Variants in APAF1 observed in about 807,000 individuals in gnomAD.
APAF1 encodes the protein apoptotic peptidase activating factor 1, also known as apoptotic protease-activating factor 1.
A neutral mutation model predicts 152.4 loss-of-function variants in APAF1; 91 were observed. The ratio of observed to expected loss-of-function variants is 0.60; its 90% confidence interval spans 0.50 to 0.71. The LOEUF (loss-of-function observed/expected upper bound fraction) is 0.71, where lower values mean the gene tolerates loss of function less well. APAF1 is among the 30% of genes least tolerant of loss of function. APAF1 has a pLI of 0.00. For missense variants in APAF1, 1,283 were observed against 1,472.0 expected (o/e 0.87, Z 2.10); for synonymous variants, 484 against 494.1 (o/e 0.98, Z 0.27).
chr12:98,654,816 CTTTTTTTT>C (rs758991431), intron 4 of APAF1, among the ~76,000 whole-genome samples: 1 of 116,798 alleles, frequency 8.6e-6, no homozygotes, highest in South Asian at 2.7e-4. Flanking sequence ...GTAGTATTTT[CTTTTTTTT>C]TTTTTTTTTT....
chr12:98,651,693 C>T (rs1423798093), intron 4 of APAF1, among the ~76,000 whole-genome samples: 1 of 152,090 alleles, frequency 6.6e-6, no homozygotes, highest in Admixed American at 6.5e-5. Context: ...CAGAGTGTCA[C>T]CCTGTTGCCC....
At chr12:98,657,047 C>T (rs1222291338) in intron 4 of APAF1, among the ~76,000 whole-genome samples, 1 of 152,182 alleles carries the variant, frequency 6.6e-6, no homozygotes, top group African/African-American at 2.4e-5. Flanking sequence ...ACCTCCTTAA[C>T]CTCTTTGTCT....
chr12:98,718,714 T>C (rs2097737890), intron 22 of APAF1, among the ~76,000 whole-genome samples: 1 of 151,996 alleles, frequency 6.6e-6, no homozygotes, highest in South Asian at 2.1e-4. Flanking sequence ...GGTGGGAGGA[T>C]TGCTTGAGGC....
intron 21 of APAF1, among the ~76,000 whole-genome samples, chr12:98,713,281 G>A (rs2097730172): frequency 6.6e-6 from 1 of 152,048 alleles, no homozygotes; most frequent in Non-Finnish European, 1.5e-5. Context: ...CTACTTAGTT[G>A]TTTGGCTGTT....
intron 22 of APAF1, among the ~76,000 whole-genome samples, chr12:98,716,662 T>A (rs1248909449): frequency 6.6e-6 from 1 of 152,210 alleles, no homozygotes; most frequent in African/African-American, 2.4e-5. Context: ...TTATTCATTG[T>A]TTTGGATATT....
At chr12:98,728,201 C>G (rs986470099) in intron 26 of APAF1, among the ~76,000 whole-genome samples, 3 of 152,058 alleles carry the variant, frequency 2.0e-5, no homozygotes, top group Admixed American at 1.3e-4. Flanking sequence ...TAACTTAGTT[C>G]TGTTTTCCAT....
At chr12:98,670,155 G>A (rs2097678277) in intron 10 of APAF1, among the ~76,000 whole-genome samples, 1 of 152,094 alleles carries the variant, frequency 6.6e-6, no homozygotes, top group Non-Finnish European at 1.5e-5. Flanking sequence ...GTGTTGCCCA[G>A]GCTGATCTTG....
chr12:98,702,685 C>T (rs1043863590), intron 17 of APAF1, among the ~76,000 whole-genome samples: 7 of 151,542 alleles, frequency 4.6e-5, no homozygotes, highest in South Asian at 2.1e-4. Context: ...ATTAGCTGGG[C>T]GTGGTGGTGC....
intron 12 of APAF1, among the ~76,000 whole-genome samples, chr12:98,673,442 C>CAAAAAAAAAA (rs1162049645): frequency 9.0e-5 from 8 of 89,188 alleles, no homozygotes; most frequent in African/African-American, 2.5e-4. Flanking sequence ...TCTCAAAAAA[C>CAAAAAAAAAA]AAAAAAAAAA....
chr12:98,704,439 C>T (rs2097719170), intron 18 of APAF1, among the ~76,000 whole-genome samples: 1 of 152,224 alleles, frequency 6.6e-6, no homozygotes, highest in South Asian at 2.1e-4. Flanking sequence ...GCCATGACTA[C>T]TGCAAGCACT....
At chr12:98,659,492 C>A in intron 5 of APAF1, 149 bp downstream of exon 5, 2 of 883,218 alleles carry the variant, frequency 2.3e-6, no homozygotes, top group Non-Finnish European at 3.6e-6. Flanking sequence ...TGGCTCACGC[C>A]TGTAATCCCA....
chr12:98,671,195 ATTTCCCT>A (rs2097679697), intron 11 of APAF1, 109 bp downstream of exon 11: 6 of 757,014 alleles, frequency 7.9e-6, no homozygotes, highest in Admixed American at 2.6e-5. Context: ...GGTGAAGATA[ATTTCCCT>A]CCTTTGATTT....
chr12:98,677,249 A>AT (rs888174918), intron 12 of APAF1, among the ~76,000 whole-genome samples, 176 bp from the exon 13 acceptor site: 4 of 151,678 alleles, frequency 2.6e-5, no homozygotes, highest in Admixed American at 6.6e-5. Flanking sequence ...TACTTTTGTT[A>AT]TTTTTTTTCT....
At chr12:98,699,595 A>G (rs761999940) in intron 17 of APAF1, 26 bp downstream of exon 17, 1 of 1,612,492 alleles carries the variant, frequency 6.2e-7, no homozygotes, top group Non-Finnish European at 8.5e-7. Context: ...AGCCAACTTC[A>G]GTCTGATTTA....
In APAF1 at chr12:98,648,431, C is replaced by T. The variant is rs781643760; in HGVS notation, c.72C>T (p.Tyr24=). Residue 24 remains tyrosine, a synonymous_variant, in exon 2 of 27, where the codon TAC becomes TAT. Transcript: ENST00000551964. The stretch of plus-strand genomic sequence containing the variant: ...TGGAAAAGGACATCAAGACATCCTA[C>T]ATCATGGATCACATGATTAGTGATG... ...EALEKDIKTS[Y]IMDHMISDGF... The T allele has an allele frequency of 9.9e-6, 16 of 1,613,722 alleles. No individual in the cohort carries two copies. Among genetic ancestry groups the T allele is most frequent in the Non-Finnish European group, 1.4e-5 (16 of 1,179,628 alleles).
At chr12:98,693,624 T>G (rs2097706695) in intron 16 of APAF1, among the ~76,000 whole-genome samples, 1 of 152,180 alleles carries the variant, frequency 6.6e-6, no homozygotes, top group Non-Finnish European at 1.5e-5. Flanking sequence ...CCAGGCATTT[T>G]ATAAGTCTTT....
rs376693352 is a variant in APAF1, at chr12:98,732,901, G to T, written c.*335G>T. 146 of 308,336 alleles carry T rather than the reference G, an allele frequency of 4.7e-4. No homozygotes were observed. Among genetic ancestry groups the T allele is most frequent in the African/African-American group, 3.2e-3 (142 of 45,036 alleles). 19.1% of individuals were successfully genotyped at this position (308,336 alleles called of 1,614,324 possible). On this transcript the variant is annotated 3_prime_UTR_variant, in exon 27 of 27. Coordinates refer to ENST00000551964, the MANE Select transcript of APAF1 (RefSeq NM_181861.2). The stretch of plus-strand genomic sequence containing the variant: ...AATGAGAAGAATTTGGAAGAAATTG[G>T]TATTTTAATACTGTCTGTATTTATT...
At position 98,709,090 on chromosome 12, in the gene APAF1, A is replaced by C. The variant is rs147585547; in HGVS notation, c.2841+386A>C. On this transcript the variant is annotated intron_variant, in intron 20 of 26. Coordinates refer to ENST00000551964, the MANE Select transcript of APAF1 (RefSeq NM_181861.2). ...GGAAGGATTCCAGGGTCTTTGAAAGAACAGAAGTCACTTTAGGTGAGGAAG... is the reference window on the plus strand; with the variant it reads ...GGAAGGATTCCAGGGTCTTTGAAAGCACAGAAGTCACTTTAGGTGAGGAAG... Among the ~76,000 whole-genome samples, 396 of 152,306 alleles carry C rather than the reference A, an allele frequency of 2.6e-3. 2 individuals are homozygous for C. Among genetic ancestry groups the C allele is most frequent in the African/African-American group, 9.1e-3 (380 of 41,556 alleles).
At chr12:98,675,956 T>C (rs1023866391) in intron 12 of APAF1, among the ~76,000 whole-genome samples, 4 of 152,312 alleles carry the variant, frequency 2.6e-5, no homozygotes, top group African/African-American at 9.6e-5. Flanking sequence ...TTAGAATAGA[T>C]ACCATTACTT....
Sources: gnomAD v4.1 joint callset for allele counts (sites outside exome capture counted in the v4.1 genomes callset) on GRCh38, gnomAD v4.1.1 for gene constraint, MANE v1.5 for transcripts, NCBI Gene and HGNC (gene_info 2026-07-23, HGNC 2026-07-21) for gene names.